Variants in COL24A1 observed in about 807,000 individuals in gnomAD.
The protein encoded by COL24A1 is collagen type XXIV alpha 1 chain.
COL24A1 carries 224 observed loss-of-function variants against 253.9 expected under a neutral mutation model. The observed-to-expected ratio is 0.88, with a 90% CI of 0.79 to 0.99. The LOEUF is 0.99. Among genes scored for constraint, COL24A1 ranks in the 50% least tolerant of loss-of-function variants. The pLI is 0.00. For missense variants in COL24A1, 2,131 were observed against 2,068.5 expected (o/e 1.03, Z -0.59); for synonymous variants, 685 against 673.7 (o/e 1.02, Z -0.26).
intron 20 of COL24A1, among the ~76,000 whole-genome samples, chr1:85,973,065 C>T (rs1217297853): frequency 6.6e-6 from 1 of 152,142 alleles, no homozygotes; most frequent in Non-Finnish European, 1.5e-5. Flanking sequence ...GAACTGCCTT[C>T]AATATCTGAA....
Position 85,910,100 on chromosome 1 carries a change from G to A in COL24A1, c.2617-97C>T. 5 of 871,520 alleles carry A rather than the reference G, an allele frequency of 5.7e-6. No individual in the cohort carries two copies. In the South Asian group the frequency reaches 8.1e-5, roughly 14 times the overall value. 54.0% of individuals were successfully genotyped at this position (871,520 alleles called of 1,614,324 possible). A position where few individuals can be genotyped will look rare whatever the true frequency, so the allele number is the denominator to read the frequency against. On this transcript the variant is annotated intron_variant, in intron 25 of 59. Transcript: ENST00000370571. ...AAGAAAAACTGTCATCCAGAATCAT[G>A]TCTTACATGCATACATCATTTTTAT...
intron 53 of COL24A1, among the ~76,000 whole-genome samples, chr1:85,770,158 G>A (rs1015960165): frequency 1.3e-5 from 2 of 152,128 alleles, no homozygotes; most frequent in African/African-American, 4.8e-5. Flanking sequence ...CTGAGAAAAG[G>A]TGAGGATCAC....
chr1:85,804,687 C>T (rs937081701), intron 47 of COL24A1, among the ~76,000 whole-genome samples: 12 of 152,204 alleles, frequency 7.9e-5, no homozygotes, highest in Middle Eastern at 3.4e-3. Context: ...TTCACTATCA[C>T]GAGAACAGCA....
chr1:86,031,862 AT>A lies in COL24A1; in HGVS notation c.2049+15del. 6.3e-7 allele frequency: 1 copy of A among 1,588,860 alleles called. No individual in the cohort carries two copies. The highest frequency in any genetic ancestry group is 8.6e-7 in the Non-Finnish European group (1 of 1,165,480). On this transcript the variant is annotated intron_variant, in intron 14 of 59. Coordinates refer to ENST00000370571, the MANE Select transcript of COL24A1 (RefSeq NM_152890.7). ...AAAATATTTTCTTAAGAATGATGAT[AT>A]TTAGTGATACTCACTCTAAGCCCAG...
intron 37 of COL24A1, among the ~76,000 whole-genome samples, chr1:85,852,996 G>A (rs1677965840): frequency 6.6e-6 from 1 of 152,000 alleles, no homozygotes; most frequent in Non-Finnish European, 1.5e-5. Flanking sequence ...AGGTTCAAGG[G>A]GTACATGTGC....
intron 37 of COL24A1, among the ~76,000 whole-genome samples, chr1:85,858,235 G>T (rs1390066698): frequency 6.6e-6 from 1 of 151,894 alleles, no homozygotes; most frequent in Non-Finnish European, 1.5e-5. Flanking sequence ...ATACCCTTCT[G>T]CCTGTTCAAA....
intron 5 of COL24A1, among the ~76,000 whole-genome samples, chr1:86,104,590 T>G (rs1704770012): frequency 6.6e-6 from 1 of 152,228 alleles, no homozygotes; most frequent in Non-Finnish European, 1.5e-5. Flanking sequence ...AGGGTTTTAT[T>G]GTGATATAAG....
chr1:86,145,274 A>C (rs1651718995), intron 2 of COL24A1, among the ~76,000 whole-genome samples: 1 of 152,046 alleles, frequency 6.6e-6, no homozygotes, highest in Admixed American at 6.6e-5. Flanking sequence ...CACTCAACTG[A>C]AAACTTGGTT....
In COL24A1 at chr1:85,770,427, T is replaced by C. The variant is rs186660559; in HGVS notation, c.4374+5247A>G. 5.3e-5 allele frequency among the ~76,000 whole-genome samples: 8 copies of C among 152,268 alleles called. No homozygotes were observed. In the East Asian group the frequency reaches 1.5e-3, roughly 29 times the overall value. ...TACTTGGTTTCAATCTCCCTCATTT[T>C]ATTCCATGTCTGTCCTCTGTTTATG... On this transcript the variant is annotated intron_variant, in intron 53 of 59. Coordinates refer to ENST00000370571, the MANE Select transcript of COL24A1 (RefSeq NM_152890.7).
intron 19 of COL24A1, among the ~76,000 whole-genome samples, chr1:85,991,155 A>C (rs1694224435): frequency 6.6e-6 from 1 of 152,190 alleles, no homozygotes; most frequent in Non-Finnish European, 1.5e-5. Context: ...GAATATGGTA[A>C]GGTCTCTATA....
chr1:85,956,748 C>A (rs572661991), intron 24 of COL24A1, among the ~76,000 whole-genome samples: 1 of 152,044 alleles, frequency 6.6e-6, no homozygotes, highest in African/African-American at 2.4e-5. Context: ...AAGTCCCCAC[C>A]GATTATTTGC....
At position 86,125,057 on chromosome 1, in the gene COL24A1, T is replaced by C. The variant is rs372226420; in HGVS notation, c.1279A>G (p.Ile427Val). The stretch of plus-strand genomic sequence containing the variant: ...ACTCTATGCAAGCTTGTGTTTAAAA[T>C]TGGTTGCATTTCCATGAGTTCGTTA... Reference protein sequence around the residue: ...HTNELMEMQPILNTSLHRVTN... With the variant: ...HTNELMEMQPVLNTSLHRVTN... The change falls in exon 3 of 60, where the codon ATT becomes GTT. Residue 427 changes from isoleucine (I) to valine (V), a missense_variant. Coordinates refer to ENST00000370571, the MANE Select transcript of COL24A1 (RefSeq NM_152890.7). 6.2e-7 allele frequency: 1 copy of C among 1,613,010 alleles called. No individual in the cohort carries two copies. The highest frequency in any genetic ancestry group is 1.7e-5 in the Admixed American group (1 of 59,846).
intron 53 of COL24A1, among the ~76,000 whole-genome samples, chr1:85,763,776 T>G (rs1667081867): frequency 1.3e-5 from 2 of 152,106 alleles, no homozygotes; most frequent in African/African-American, 4.8e-5. Flanking sequence ...ATTACAGGCA[T>G]GAGCCACTGT....
At chr1:85,828,765 C>CTTGGTA (rs1674749245) in intron 43 of COL24A1, among the ~76,000 whole-genome samples, 1 of 129,476 alleles carries the variant, frequency 7.7e-6, no homozygotes, top group Non-Finnish European at 1.7e-5. Context: ...TTTTTGTTTT[C>CTTGGTA]CATTTGCTTG....
intron 28 of COL24A1, among the ~76,000 whole-genome samples, chr1:85,903,895 GA>G (rs1387031832): frequency 2.0e-5 from 3 of 151,984 alleles, no homozygotes; most frequent in East Asian, 1.9e-4. Context: ...TGATTTTAAG[GA>G]AAAAAATATT....
intron 24 of COL24A1, among the ~76,000 whole-genome samples, chr1:85,922,017 G>A (rs543730175): frequency 1.1e-4 from 17 of 152,236 alleles, no homozygotes; most frequent in Non-Finnish European, 1.9e-4. Context: ...ACTACGTGAC[G>A]CATGCACAAG....
chr1:85,823,031 T>C (rs1673824387), intron 45 of COL24A1, among the ~76,000 whole-genome samples: 1 of 152,236 alleles, frequency 6.6e-6, no homozygotes, highest in African/African-American at 2.4e-5. Context: ...CATGCTATAT[T>C]TGGTGTTGAG....
In COL24A1 at chr1:85,929,643, C is replaced by A. The variant is rs1357956697; in HGVS notation, c.2563-18210G>T. Among the ~76,000 whole-genome samples, 3 of 26,522 alleles carry A rather than the reference C, an allele frequency of 1.1e-4. 1 individual carries two copies. The highest frequency in any genetic ancestry group is 1.9e-4 in the Non-Finnish European group (3 of 15,992). 17.4% of individuals were successfully genotyped at this position (26,522 alleles called of 152,430 possible). On this transcript the variant is annotated intron_variant, in intron 24 of 59. Transcript: ENST00000370571. Reference sequence around the variant, plus strand: ...AACAGAATATACATTTTTTTCAGCACCACACCACACCTATTCCAAAATTGA... The same window carrying A: ...AACAGAATATACATTTTTTTCAGCAACACACCACACCTATTCCAAAATTGA...
In COL24A1 at chr1:86,080,917, T is replaced by C. The variant is rs552635938; in HGVS notation, c.1707+8257A>G. The stretch of plus-strand genomic sequence containing the variant: ...TATAGTATAGGACCATAAAAATAAC[T>C]GTGCAAGCTGAAATTGTACAATGCA... On this transcript the variant is annotated intron_variant, in intron 7 of 59. Transcript: ENST00000370571. Among the ~76,000 whole-genome samples the C allele has an allele frequency of 7.2e-5, 11 of 152,274 alleles. 1 individual carries two copies. The highest frequency in any genetic ancestry group is 6.5e-4 in the Admixed American group (10 of 15,284).
Sources: allele counts gnomAD v4.1 joint callset (sites outside exome capture counted in the v4.1 genomes callset), GRCh38; gene constraint gnomAD v4.1.1; transcripts MANE v1.5; gene names NCBI Gene and HGNC (gene_info 2026-07-23, HGNC 2026-07-21).